Variants in MPZL3 observed in about 807,000 individuals in gnomAD.
MPZL3 encodes myelin protein zero like 3, also known as myelin protein zero-like protein 3.
Under a neutral mutation model 24.8 loss-of-function variants are expected in MPZL3, and 23 were observed. The ratio of observed to expected loss-of-function variants is 0.93; its 90% CI spans 0.67 to 1.31. The LOEUF (loss-of-function observed/expected upper bound fraction) is 1.31. Ranked by LOEUF, MPZL3 falls within the 40% of genes most tolerant of loss-of-function variation. MPZL3 has a pLI of 0.00. For synonymous variants in MPZL3, 99 were observed against 106.5 expected, an observed-to-expected ratio of 0.93 and a Z score of 0.44; for missense variants, 277 against 294.9, an observed-to-expected ratio of 0.94 and a Z score of 0.44.
At chr11:118,246,311 G>C (rs1949555633) in intron 1 of MPZL3, among the ~76,000 whole-genome samples, 1 of 152,106 alleles carries the variant, frequency 6.6e-6, no homozygotes, top group South Asian at 2.1e-4. Context: ...CTGCCTCTGA[G>C]TGTTCAAGTG....
At chr11:118,231,169 T>C (rs1332622937) in intron 5 of MPZL3, among the ~76,000 whole-genome samples, 1 of 152,186 alleles carries the variant, frequency 6.6e-6, no homozygotes, top group Non-Finnish European at 1.5e-5. Context: ...TTTGCCAAGG[T>C]CACCAATGAC....
intron 1 of MPZL3, among the ~76,000 whole-genome samples, chr11:118,242,341 G>A (rs1949508319): frequency 6.6e-6 from 1 of 152,084 alleles, no homozygotes; most frequent in Non-Finnish European, 1.5e-5. Flanking sequence ...TGATCATGTT[G>A]TTCATTTCAC....
chr11:118,251,087 G>A (rs1378653179), intron 1 of MPZL3, among the ~76,000 whole-genome samples: 1 of 41,320 alleles, frequency 2.4e-5, no homozygotes, highest in Non-Finnish European at 5.6e-5. Flanking sequence ...TCGTGTGTGT[G>A]TGTGTGTGTG....
Position 118,227,468 on chromosome 11 carries a change from C to T in MPZL3, c.*2426G>A, listed in dbSNP as rs530129513. ...GTCTGTACACTGCTTTGTGATCCTT[C>T]GAAGAATAAAAAGCTGTAACCCAAA... On this transcript the variant is annotated 3_prime_UTR_variant, in exon 6 of 6. Coordinates refer to ENST00000278949, the MANE Select transcript of MPZL3 (RefSeq NM_198275.3). The T allele has an allele frequency of 4.0e-4, 61 of 152,246 alleles. No individual in the cohort carries two copies. Among genetic ancestry groups the T allele is most frequent in the African/African-American group, 1.4e-3 (57 of 41,528 alleles). The allele number at this position is 152,246 out of a possible 1,614,324, so 9.4% of individuals were successfully genotyped here.
intron 5 of MPZL3, among the ~76,000 whole-genome samples, chr11:118,232,155 G>C (rs533428920): frequency 6.6e-6 from 1 of 152,202 alleles, no homozygotes; most frequent in South Asian, 2.1e-4. Flanking sequence ...GCTACTCCAA[G>C]AATATGCCAA....
rs117116269 is a variant in MPZL3, at chr11:118,250,036, C to T, written c.73+2186G>A. On this transcript the variant is annotated intron_variant, in intron 1 of 5. Transcript: ENST00000278949. ...TTATTTATTGAGGCAGGATCTCATTCCATCGCTCAGGCTGAAGTGCAGTGG... is the reference window on the plus strand; with the variant it reads ...TTATTTATTGAGGCAGGATCTCATTTCATCGCTCAGGCTGAAGTGCAGTGG... Among the ~76,000 whole-genome samples the T allele has an allele frequency of 7.4e-3, 1,120 of 152,142 alleles. 5 individuals carry two copies. Among genetic ancestry groups the T allele is most frequent in the Non-Finnish European group, 0.012 (819 of 68,010 alleles).
At chr11:118,240,801 CTT>C (rs1479842849) in intron 1 of MPZL3, among the ~76,000 whole-genome samples, 1 of 148,836 alleles carries the variant, frequency 6.7e-6, no homozygotes, top group Non-Finnish European at 1.5e-5. Flanking sequence ...AATATGGCAG[CTT>C]TTGTGGTCTA....
At chr11:118,239,536 T>A (rs1949466832) in intron 2 of MPZL3, among the ~76,000 whole-genome samples, 1 of 152,112 alleles carries the variant, frequency 6.6e-6, no homozygotes, top group Non-Finnish European at 1.5e-5. Context: ...GAGAAAAAAA[T>A]TTTATAGCAT....
At chr11:118,250,447 A>G (rs1434678108) in intron 1 of MPZL3, among the ~76,000 whole-genome samples, 1 of 152,088 alleles carries the variant, frequency 6.6e-6, no homozygotes, top group Non-Finnish European at 1.5e-5. Context: ...GGTGATGAAA[A>G]TGTTCTAAAA....
intron 1 of MPZL3, among the ~76,000 whole-genome samples, chr11:118,250,684 G>T (rs7926717): frequency 0.18 from 27,248 of 151,708 alleles, 2,488 homozygotes; most frequent in Middle Eastern, 0.22. Context: ...GGGTTCAAGC[G>T]ATTCTCCTGT....
At chr11:118,247,256 G>A (rs1262156351) in intron 1 of MPZL3, among the ~76,000 whole-genome samples, 1 of 152,186 alleles carries the variant, frequency 6.6e-6, no homozygotes, top group Non-Finnish European at 1.5e-5. Context: ...GGTGGGAGGG[G>A]AGAAAACTAA....
rs780464551 is a variant in MPZL3, at chr11:118,229,962, G to A, written c.682-42C>T. On this transcript the variant is annotated intron_variant, in intron 5 of 5. Coordinates refer to ENST00000278949, the MANE Select transcript of MPZL3 (RefSeq NM_198275.3). The stretch of plus-strand genomic sequence containing the variant: ...AGCAGGTGTGAAACACAATTCCAGA[G>A]TTGGAATTTAGGCAAAGACCACATG... 4 of 1,594,196 alleles carry A rather than the reference G, an allele frequency of 2.5e-6. No homozygotes were observed. The African/African-American group carries it at 5.6e-5, about 22-fold the overall frequency.
intron 5 of MPZL3, among the ~76,000 whole-genome samples, chr11:118,231,142 A>G (rs1446194436): frequency 1.3e-5 from 2 of 152,156 alleles, no homozygotes; most frequent in Non-Finnish European, 1.5e-5. Context: ...CATTCCCACT[A>G]TTCCACTGAA....
At chr11:118,242,914 TGAGA>T (rs2134710678) in intron 1 of MPZL3, among the ~76,000 whole-genome samples, 1 of 152,110 alleles carries the variant, frequency 6.6e-6, no homozygotes, top group African/African-American at 2.4e-5. Flanking sequence ...AGAGGGACAC[TGAGA>T]GAAACAGGTG....
intron 3 of MPZL3, among the ~76,000 whole-genome samples, chr11:118,236,028 G>T (rs552598709): frequency 2.0e-5 from 3 of 152,032 alleles, no homozygotes; most frequent in Non-Finnish European, 4.4e-5. Flanking sequence ...AAGTTGGTTC[G>T]AATTCTTAGA....
intron 2 of MPZL3, 69 bp downstream of exon 2, chr11:118,240,142 C>T: frequency 2.1e-6 from 3 of 1,431,534 alleles, no homozygotes; most frequent in Non-Finnish European, 2.8e-6. Flanking sequence ...TCAGGCATGC[C>T]TATGATTTGC....
At position 118,240,275 on chromosome 11, in the gene MPZL3, T is replaced by C; in HGVS notation, c.176A>G (p.Asp59Gly). ...GTCTATAGTAAGTTTGTCAGTGACATCTGAAGTTGACTTGAAAGTGCATTT... is the reference window on the plus strand; with the variant it reads ...GTCTATAGTAAGTTTGTCAGTGACACCTGAAGTTGACTTGAAAGTGCATTT... ...KLKCTFKSTSDVTDKLTIDWT... is the reference protein window; with the variant it reads ...KLKCTFKSTSGVTDKLTIDWT... Residue 59 changes from aspartate to glycine, a missense_variant, in exon 2 of 6, where the codon GAT (aspartate) becomes GGT (glycine). Physicochemically the swap from Asp to Gly is moderately conservative, Grantham distance 94 (BLOSUM62 -1). Coordinates refer to ENST00000278949, the MANE Select transcript of MPZL3 (RefSeq NM_198275.3). The C allele has an allele frequency of 1.2e-6, 2 of 1,606,410 alleles. No homozygotes were observed. Among genetic ancestry groups the C allele is most frequent in the Non-Finnish European group, 1.7e-6 (2 of 1,177,458 alleles).
intron 5 of MPZL3, among the ~76,000 whole-genome samples, chr11:118,230,442 G>A (rs1949336656): frequency 6.6e-6 from 1 of 152,130 alleles, no homozygotes; most frequent in South Asian, 2.1e-4. Context: ...AGAATTGAAT[G>A]AGGCAATATA....
At chr11:118,236,829 A>C (rs938253185) in intron 3 of MPZL3, among the ~76,000 whole-genome samples, 4 of 152,210 alleles carry the variant, frequency 2.6e-5, no homozygotes, top group African/African-American at 9.6e-5. Flanking sequence ...GTAATGGAGA[A>C]ACTATGACAA....
Sources: allele counts gnomAD v4.1 joint callset (sites outside exome capture counted in the v4.1 genomes callset), GRCh38; gene constraint gnomAD v4.1.1; transcripts MANE v1.5; gene names NCBI Gene and HGNC (gene_info 2026-07-23, HGNC 2026-07-21).